The following DIAPH2 variants were observed in gnomAD, a reference collection of about 807,000 sequenced individuals.
DIAPH2 encodes protein diaphanous homolog 2.
A neutral mutation model predicts 92.7 loss-of-function variants in DIAPH2; 35 were observed. The ratio of observed to expected loss-of-function variants is 0.38; its 90% confidence interval spans 0.29 to 0.50. The LOEUF is 0.50. Ranked by LOEUF, DIAPH2 falls within the 20% of genes least tolerant of loss-of-function variation. The pLI, the probability that DIAPH2 is intolerant of heterozygous loss-of-function variation, is 0.94. For synonymous variants in DIAPH2, 301 were observed against 280.4 expected (o/e 1.07, Z -0.73); for missense variants, 701 against 819.5 (o/e 0.86, Z 1.77).
At position 96,797,076 on chromosome X, in the gene DIAPH2, G is replaced by A. The variant is rs191290562; in HGVS notation, c.447+38818G>A. Among the ~76,000 whole-genome samples, 915 of 111,612 alleles carry A rather than the reference G, an allele frequency of 8.2e-3. 7 individuals carry two copies. The highest frequency in any genetic ancestry group is 0.013 in the Non-Finnish European group (675 of 53,107). ...TTCATTTTGGAAAGACATTTTCACA[G>A]GTTGCAGATTTCTAAGATGACAGAT... is the stretch of plus-strand genomic sequence containing the variant. On this transcript the variant is annotated intron_variant, in intron 4 of 26. Coordinates refer to ENST00000324765, the MANE Select transcript of DIAPH2 (RefSeq NM_006729.5).
At chrX:97,301,219 TAC>T (rs1352935352) in intron 23 of DIAPH2, among the ~76,000 whole-genome samples, 2 of 108,034 alleles carry the variant, frequency 1.9e-5, no homozygotes, top group Non-Finnish European at 3.8e-5. Context: ...ATTGGATGTA[TAC>T]GTTTGATGTC....
intron 23 of DIAPH2, among the ~76,000 whole-genome samples, chrX:97,275,916 C>G (rs1228796912): frequency 8.9e-5 from 10 of 112,474 alleles, no homozygotes; most frequent in African/African-American, 2.9e-4. Context: ...CTTTGGGAGG[C>G]CAAGGCAGGC....
intron 4 of DIAPH2, among the ~76,000 whole-genome samples, chrX:96,811,382 T>G (rs749789001): frequency 8.9e-6 from 1 of 112,375 alleles, no homozygotes; most frequent in South Asian, 3.7e-4. Flanking sequence ...CCTGAGACTT[T>G]GCTGAAGTTG....
chrX:97,545,533 A>AAAATATATAT (rs1260118151), intron 26 of DIAPH2, among the ~76,000 whole-genome samples: 1 of 79,358 alleles, frequency 1.3e-5, no homozygotes, highest in African/African-American at 5.0e-5. Flanking sequence ...AAAAAAAAAA[A>AAAATATATAT]ATATATATAT....
At chrX:97,310,867 G>C (rs941289393) in intron 23 of DIAPH2, among the ~76,000 whole-genome samples, 4 of 111,288 alleles carry the variant, frequency 3.6e-5, no homozygotes, top group Non-Finnish European at 7.5e-5. Context: ...AAAATTAGCC[G>C]GGCATGGTGG....
chrX:96,870,707 C>T (rs1369590106), intron 4 of DIAPH2, among the ~76,000 whole-genome samples: 1 of 111,424 alleles, frequency 9.0e-6, no homozygotes, highest in Non-Finnish European at 1.9e-5. Context: ...TGATAAAATT[C>T]AGTGTGTTCA....
chrX:97,077,927 A>G (rs2066716071), intron 19 of DIAPH2, among the ~76,000 whole-genome samples: 1 of 111,783 alleles, frequency 8.9e-6, no homozygotes, highest in Non-Finnish European at 1.9e-5. Flanking sequence ...ATTATGAGTT[A>G]CTGTCAAATA....
chrX:96,773,388 G>A, intron 4 of DIAPH2, among the ~76,000 whole-genome samples: 1 of 110,450 alleles, frequency 9.1e-6, no homozygotes, highest in South Asian at 3.9e-4. Context: ...CTGGTGTCCT[G>A]GTAAGAGGAC....
chrX:97,031,562 G>A (rs1305381160), intron 17 of DIAPH2, among the ~76,000 whole-genome samples: 1 of 111,410 alleles, frequency 9.0e-6, no homozygotes, highest in Non-Finnish European at 1.9e-5. Flanking sequence ...AATTGCAAGT[G>A]CTAGTTGTTT....
rs767569337 is a variant in DIAPH2 at position 96,937,329 on chromosome X, A to G, written c.1186A>G (p.Asn396Asp). The G allele has an allele frequency of 8.8e-7, 1 of 1,134,912 alleles. No individual in the cohort carries two copies. 93.5% of individuals were successfully genotyped at this position (1,134,912 alleles called of 1,213,427 possible). Residue 396 changes from asparagine (N) to aspartate (D), a missense_variant, in exon 11 of 27, where the codon AAT becomes GAT. This residue lies in a region of DIAPH2 where 536 missense variants were observed against 599.3 expected (regional missense o/e 0.89). Transcript: ENST00000324765. ...DDLTELSHRL[N>D]DIRAEMDDMN... Reference sequence around the variant, plus strand: ...CCTAACTGAATTATCACACCGTCTCAATGACATTCGAGCAGAAATGGAATA... The same window carrying G: ...CCTAACTGAATTATCACACCGTCTCGATGACATTCGAGCAGAAATGGAATA...
At chrX:97,051,418 A>G (rs2066519219) in intron 17 of DIAPH2, among the ~76,000 whole-genome samples, 1 of 110,061 alleles carries the variant, frequency 9.1e-6, no homozygotes, top group Non-Finnish European at 1.9e-5. Context: ...TCTTAATTTT[A>G]TCTAGAGATG....
intron 22 of DIAPH2, among the ~76,000 whole-genome samples, chrX:97,214,164 G>T (rs2067863193): frequency 8.9e-6 from 1 of 112,569 alleles, no homozygotes; most frequent in Admixed American, 9.4e-5. Flanking sequence ...CCAATCTTCT[G>T]TTCTGACATT....
At chrX:96,716,359 G>C (rs2063950333) in intron 1 of DIAPH2, among the ~76,000 whole-genome samples, 1 of 111,560 alleles carries the variant, frequency 9.0e-6, no homozygotes, top group African/African-American at 3.2e-5. Context: ...CAAGTGATTT[G>C]AGTATGTACA....
At chrX:97,184,608 G>A (rs960310912) in intron 22 of DIAPH2, among the ~76,000 whole-genome samples, 6 of 111,441 alleles carry the variant, frequency 5.4e-5, no homozygotes, top group Admixed American at 2.9e-4. Context: ...TGCCTCTGGT[G>A]CCTGGGGAGA....
At chrX:97,323,447 C>G (rs1358723150) in intron 23 of DIAPH2, among the ~76,000 whole-genome samples, 3 of 103,761 alleles carry the variant, frequency 2.9e-5, no homozygotes, top group Non-Finnish European at 5.9e-5. Context: ...AAAAATTAGC[C>G]GGGCGTGGTG....
intron 22 of DIAPH2, among the ~76,000 whole-genome samples, chrX:97,188,848 G>A (rs781152203): frequency 2.9e-4 from 32 of 112,143 alleles, no homozygotes; most frequent in Non-Finnish European, 2.6e-4. Flanking sequence ...CATGCAACAC[G>A]GAAAGCATAT....
At chrX:97,174,967 T>C (rs1424360791) in intron 22 of DIAPH2, among the ~76,000 whole-genome samples, 1 of 111,628 alleles carries the variant, frequency 9.0e-6, no homozygotes, top group African/African-American at 3.3e-5. Flanking sequence ...CTAGCATGCA[T>C]TTCTATAAGG....
chrX:97,465,568 A>G (rs1239776500), intron 26 of DIAPH2, among the ~76,000 whole-genome samples: 2 of 111,798 alleles, frequency 1.8e-5, no homozygotes, highest in African/African-American at 6.5e-5. Flanking sequence ...ATGCCATCTT[A>G]TATAAGGAAC....
intron 26 of DIAPH2, among the ~76,000 whole-genome samples, chrX:97,525,415 G>A (rs750740712): frequency 1.9e-4 from 21 of 112,263 alleles, no homozygotes; most frequent in African/African-American, 6.1e-4. Context: ...TCACCGGGGG[G>A]CTATGAATAT....
Sources: gnomAD v4.1 joint callset for allele counts (sites outside exome capture counted in the v4.1 genomes callset) on GRCh38, gnomAD v4.1.1 for gene constraint, gnomAD v4.1.1 regional missense constraint, MANE v1.5 for transcripts, NCBI Gene and HGNC (gene_info 2026-07-23, HGNC 2026-07-21) for gene names.